C12orf42: variants seen among roughly 807,000 people sequenced by gnomAD.
C12orf42 encodes chromosome 12 open reading frame 42.
Under a neutral mutation model 21.6 loss-of-function variants are expected in C12orf42, and 25 were observed. The ratio of observed to expected loss-of-function variants is 1.16; its 90% CI spans 0.84 to 1.62. The LOEUF (loss-of-function observed/expected upper bound fraction) is 1.62, where lower values mean the gene tolerates loss of function less well. C12orf42 is among the 40% of genes most tolerant of loss of function. C12orf42 has a pLI of 0.00. For synonymous variants in C12orf42, 174 were observed against 175.0 expected (o/e 0.99, Z 0.05); for missense variants, 483 against 459.3 (o/e 1.05, Z -0.47).
chr12:103,061,155 TG>T, the C12orf42 span, among the ~76,000 whole-genome samples: 2 of 152,086 alleles, frequency 1.3e-5, no homozygotes, highest in African/African-American at 4.8e-5. Flanking sequence ...CCTTTTTGGT[TG>T]GTGGAGGTAG....
Position 103,460,799 on chromosome 12 carries a change from T to A in C12orf42, c.78+17550A>T, listed in dbSNP as rs368655875. ...ATGCATGTGTGAGCATAAATGCATA[T>A]GTCATATTTTGCAAAATCTTGAGAG... On this transcript the variant is annotated intron_variant, in intron 2 of 5. Transcript: ENST00000548883. Among the ~76,000 whole-genome samples the A allele has an allele frequency of 7.2e-5, 11 of 152,326 alleles. No homozygotes were observed. In the East Asian group the frequency reaches 1.5e-3, roughly 21 times the overall value.
the C12orf42 span, among the ~76,000 whole-genome samples, chr12:103,127,485 A>G: frequency 6.6e-6 from 1 of 152,186 alleles, no homozygotes; most frequent in Non-Finnish European, 1.5e-5. Context: ...AATGCATGGA[A>G]TGAAAATAGA....
the C12orf42 span, among the ~76,000 whole-genome samples, chr12:103,217,122 C>T: frequency 9.2e-5 from 14 of 152,148 alleles, no homozygotes; most frequent in Admixed American, 5.2e-4. Context: ...GGATTACAAG[C>T]GTGAGCTACC....
At chr12:103,275,995 C>T (rs183887330) in intron 5 of C12orf42, among the ~76,000 whole-genome samples, 1 of 152,244 alleles carries the variant, frequency 6.6e-6, no homozygotes, top group Admixed American at 6.5e-5. Context: ...ATCTCTTGAG[C>T]CCAGGAGTTC....
the C12orf42 span, among the ~76,000 whole-genome samples, chr12:103,520,063 T>A: frequency 6.6e-6 from 1 of 152,102 alleles, no homozygotes; most frequent in Non-Finnish European, 1.5e-5. Flanking sequence ...GACAAAGAAG[T>A]CCCACTTGAC....
the C12orf42 span, among the ~76,000 whole-genome samples, chr12:103,079,047 A>G: frequency 6.6e-6 from 1 of 152,182 alleles, no homozygotes; most frequent in Non-Finnish European, 1.5e-5. Context: ...CCACATTGCT[A>G]TGTATTATTT....
At chr12:103,507,248 A>T in the C12orf42 span, among the ~76,000 whole-genome samples, 3,491 of 53,542 alleles carry the variant, frequency 0.065, 580 homozygotes, top group South Asian at 0.13. Flanking sequence ...TATTATATAT[A>T]ATATATAAAT....
chr12:103,452,374 T>A (rs576150104), intron 2 of C12orf42, among the ~76,000 whole-genome samples: 1 of 151,956 alleles, frequency 6.6e-6, no homozygotes, highest in Admixed American at 6.6e-5. Flanking sequence ...AAATCGTAAA[T>A]CACATAAATC....
intron 10 of C12orf42, among the ~76,000 whole-genome samples, chr12:103,249,737 C>T (rs1036054767): frequency 1.3e-5 from 2 of 152,046 alleles, no homozygotes; most frequent in Non-Finnish European, 2.9e-5. Flanking sequence ...ACAGGGCTGA[C>T]AATACCAAGT....
the C12orf42 span, among the ~76,000 whole-genome samples, chr12:103,165,809 A>AG: frequency 0.15 from 22,681 of 151,428 alleles, 2,614 homozygotes; most frequent in East Asian, 0.36. Context: ...TGGGAGGCCG[A>AG]GGGGGTAGAT....
the C12orf42 span, among the ~76,000 whole-genome samples, chr12:103,148,611 A>G: frequency 6.7e-6 from 1 of 150,120 alleles, no homozygotes; most frequent in East Asian, 2.0e-4. Context: ...GATGTAAATC[A>G]TAGTGCTCGT....
At chr12:103,167,913 T>TG in the C12orf42 span, 162 of 230,796 alleles carry the variant, frequency 7.0e-4, 1 homozygote, top group African/African-American at 7.1e-3. Flanking sequence ...TGTGTGTGTG[T>TG]TTGTGTCTGT....
At chr12:103,529,519 C>A in the C12orf42 span, among the ~76,000 whole-genome samples, 5 of 152,180 alleles carry the variant, frequency 3.3e-5, no homozygotes, top group African/African-American at 1.2e-4. Flanking sequence ...CCATTCTGAA[C>A]AATACCACCC....
intron 4 of C12orf42, among the ~76,000 whole-genome samples, chr12:103,291,521 C>T (rs1339259302): frequency 6.6e-6 from 1 of 152,160 alleles, no homozygotes; most frequent in Non-Finnish European, 1.5e-5. Flanking sequence ...ACCCCATAGG[C>T]AGAGTAGCAC....
chr12:103,490,790 G>C (rs1955136252), intron 1 of C12orf42, among the ~76,000 whole-genome samples: 1 of 151,576 alleles, frequency 6.6e-6, no homozygotes, highest in African/African-American at 2.4e-5. Flanking sequence ...AACATTATAA[G>C]GAGTAGTTTT....
the C12orf42 span, among the ~76,000 whole-genome samples, chr12:103,186,058 G>A: frequency 6.6e-6 from 1 of 152,150 alleles, no homozygotes; most frequent in East Asian, 1.9e-4. Context: ...TGTGAAATGA[G>A]TCTTAGGGCA....
the C12orf42 span, among the ~76,000 whole-genome samples, chr12:103,071,737 A>C: frequency 6.6e-6 from 1 of 152,152 alleles, no homozygotes; most frequent in African/African-American, 2.4e-5. Context: ...AGACTTCCCC[A>C]GTCAAGTGGA....
chr12:103,373,864 C>A (rs768783574), intron 3 of C12orf42, among the ~76,000 whole-genome samples: 1 of 152,162 alleles, frequency 6.6e-6, no homozygotes, highest in Non-Finnish European at 1.5e-5. Flanking sequence ...ACTAGGTATA[C>A]AAATCCAAGT....
At chr12:103,056,922 G>A in the C12orf42 span, among the ~76,000 whole-genome samples, 1 of 152,130 alleles carries the variant, frequency 6.6e-6, no homozygotes, top group South Asian at 2.1e-4. Flanking sequence ...ATAATTGCTT[G>A]TTGAAGCATT....
Sources: allele counts gnomAD v4.1 joint callset (sites outside exome capture counted in the v4.1 genomes callset), GRCh38; gene constraint gnomAD v4.1.1; transcripts MANE v1.5; gene names NCBI Gene and HGNC (gene_info 2026-07-23, HGNC 2026-07-21).